The following ZSCAN5C variants were observed in gnomAD, a reference collection of about 807,000 sequenced individuals.
ZSCAN5C encodes zinc finger and SCAN domain-containing protein 5C.
Under a neutral mutation model 17.3 loss-of-function variants are expected in ZSCAN5C, and 11 were observed. The ratio of observed to expected loss-of-function variants is 0.64; its 90% CI spans 0.40 to 1.06. The LOEUF is 1.06. Among genes scored for constraint, ZSCAN5C ranks in the 50% least tolerant of loss-of-function variants. ZSCAN5C has a pLI of 0.00. For synonymous variants in ZSCAN5C, 229 were observed against 208.4 expected, an observed-to-expected ratio of 1.10 and a Z score of -0.85; for missense variants, 698 against 538.9, an observed-to-expected ratio of 1.30 and a Z score of -2.92.
intron 1 of ZSCAN5C, 113 bp downstream of exon 1, chr19:56,202,435 G>A (rs2032882298): frequency 6.6e-6 from 1 of 151,668 alleles, no homozygotes; most frequent in African/African-American, 2.4e-5. Context: ...TGGGGTGTTG[G>A]TTTCAGAAAG....
At chr19:56,205,724 T>G in intron 1 of ZSCAN5C, 63 bp from the exon 2 acceptor site, 2 of 553,858 alleles carry the variant, frequency 3.6e-6, no homozygotes, top group Non-Finnish European at 6.4e-6. Context: ...GGATGAGGGA[T>G]TTGGAAGGAT....
chr19:56,209,111 C>T (rs745624946), exon 5 of ZSCAN5C: 179 of 1,570,664 alleles, frequency 1.1e-4, no homozygotes, highest in Non-Finnish European at 1.5e-4. Flanking sequence ...AGAGAAACCC[C>T]ACAAATGTTC....
chr19:56,207,299 G>A (rs1223603494), intron 3 of ZSCAN5C, 37 bp downstream of exon 3: 1 of 745,126 alleles, frequency 1.3e-6, no homozygotes, highest in African/African-American at 1.7e-5. Context: ...GGCAGAGGTG[G>A]GAGAAGGAAC....
At chr19:56,208,727 G>C (rs910977826) in exon 5 of ZSCAN5C, 2 of 1,612,078 alleles carry the variant, frequency 1.2e-6, no homozygotes, top group South Asian at 2.2e-5. Flanking sequence ...AGGCCCTGCG[G>C]GCCCAGTCAG....
At chr19:56,209,259 T>C (rs1314377207), downstream of ZSCAN5C, 5 of 625,560 alleles carry the variant, frequency 8.0e-6, no homozygotes, top group East Asian at 1.4e-4. Flanking sequence ...TTTTCACCGA[T>C]GTTGTCAGAT....
downstream of ZSCAN5C, chr19:56,209,234 A>G: frequency 1.5e-6 from 1 of 655,116 alleles, no homozygotes; most frequent in Non-Finnish European, 2.7e-6. Context: ...GCACCAAGAA[A>G]GTGTGAATGA....
chr19:56,208,591 G>T (rs762894293), exon 5 of ZSCAN5C: 3 of 1,597,398 alleles, frequency 1.9e-6, no homozygotes, highest in Admixed American at 3.3e-5. Context: ...CTCTGAATCT[G>T]AGAGGTCTCA....
chr19:56,207,992 G>A, intron 3 of ZSCAN5C, 42 bp from the exon 4 acceptor site: 1 of 696,416 alleles, frequency 1.4e-6, no homozygotes, highest in Non-Finnish European at 2.6e-6. Flanking sequence ...CCTTCCACCG[G>A]TTTAGGCATG....
At chr19:56,208,750 C>G in exon 5 of ZSCAN5C, 2 of 1,608,642 alleles carry the variant, frequency 1.2e-6, no homozygotes, top group Non-Finnish European at 1.7e-6. Flanking sequence ...ACCCCAGTGG[C>G]CAAGAAGTCA....
downstream of ZSCAN5C, chr19:56,209,287 G>A: frequency 3.3e-6 from 2 of 603,628 alleles, no homozygotes; most frequent in Middle Eastern, 2.6e-4. Flanking sequence ...GACAGATGAA[G>A]GGCGCCTGGC....
Position 56,208,437 on chromosome 19 carries a change from C to T in ZSCAN5C, c.740-12C>T. 3 of 1,283,212 alleles carry T rather than the reference C, an allele frequency of 2.3e-6. No homozygotes were observed. Among genetic ancestry groups the T allele is most frequent in the Non-Finnish European group, 3.3e-6 (3 of 899,210 alleles). The allele number at this position is 1,283,212 out of a possible 1,614,324, so 79.5% of individuals were successfully genotyped here. A position where few individuals can be genotyped will look rare whatever the true frequency, so the allele number is the denominator to read the frequency against. The stretch of plus-strand genomic sequence containing the variant: ...ACCTTATTAACTGTGTGTGTGGAAT[C>T]CCTTCTTCCAGCAGGGGTGGTGGGA... On this transcript the variant is annotated splice_polypyrimidine_tract_variant and intron_variant, in intron 4 of 4. Transcript: ENST00000534327.
chr19:56,204,790 T>C (rs1364251189), intron 1 of ZSCAN5C, among the ~76,000 whole-genome samples: 2 of 151,922 alleles, frequency 1.3e-5, no homozygotes, highest in African/African-American at 4.9e-5. Context: ...TTCTCCCCTC[T>C]GCAGACCTTC....
At chr19:56,208,732 A>G (rs756363456) in exon 5 of ZSCAN5C, 26 of 1,611,626 alleles carry the variant, frequency 1.6e-5, no homozygotes, top group East Asian at 2.2e-5. Context: ...CTGCGGGCCC[A>G]GTCAGTCACC....
rs756095007 is a variant in ZSCAN5C, at chr19:56,207,041, C to CT, written c.385-11dup. 2.1e-5 allele frequency: 15 copies of CT among 703,766 alleles called. No homozygotes were observed. In the East Asian group the frequency reaches 3.2e-4, roughly 15 times the overall value. The allele number at this position is 703,766 out of a possible 1,614,324, so 43.6% of individuals were successfully genotyped here. On this transcript the variant is annotated splice_polypyrimidine_tract_variant and intron_variant, in intron 2 of 4. Transcript: ENST00000534327. ...CAGGTTCTCATAGTTAGTCTGATTG[C>CT]TTTTTTTCTCTCTATAGTCTGTAGT...
intron 1 of ZSCAN5C, among the ~76,000 whole-genome samples, chr19:56,204,449 C>G (rs1475771179): frequency 6.6e-6 from 1 of 151,592 alleles, no homozygotes; most frequent in Admixed American, 6.6e-5. Flanking sequence ...ATTTGCATGT[C>G]CCTGATGATG....
At chr19:56,202,793 C>T (rs1295921717) in intron 1 of ZSCAN5C, among the ~76,000 whole-genome samples, 2 of 151,934 alleles carry the variant, frequency 1.3e-5, no homozygotes, top group Non-Finnish European at 2.9e-5. Flanking sequence ...TGGGATCAAG[C>T]ATGCTCCCAT....
In ZSCAN5C at chr19:56,205,347, T is replaced by C. The variant is rs2032909469; in HGVS notation, c.-127-440T>C. On this transcript the variant is annotated intron_variant, in intron 1 of 4. Coordinates refer to ENST00000534327, the Ensembl canonical transcript of ZSCAN5C. ...GCGAATAATTCTGGGATTAAGAGGG[T>C]TTGTTGTGGGACAATATCTTACGTT... Among the ~76,000 whole-genome samples, 3 of 149,676 alleles carry C rather than the reference T, an allele frequency of 2.0e-5. No homozygotes were observed. In the South Asian group the frequency reaches 6.2e-4, roughly 31 times the overall value.
exon 5 of ZSCAN5C, chr19:56,209,062 C>T: frequency 6.2e-7 from 1 of 1,605,170 alleles, no homozygotes; most frequent in South Asian, 1.1e-5. Flanking sequence ...TTTTCACCTA[C>T]AAGGCAAATC....
intron 3 of ZSCAN5C, 24 bp from the exon 4 acceptor site, chr19:56,208,010 T>C (rs184714611): frequency 1.4e-6 from 1 of 707,878 alleles, no homozygotes; most frequent in Admixed American, 2.0e-5. Flanking sequence ...ATGGCAGTCA[T>C]TGCTGTTGGT....
Sources: allele counts gnomAD v4.1 joint callset (sites outside exome capture counted in the v4.1 genomes callset), GRCh38; gene constraint gnomAD v4.1.1; transcripts MANE v1.5; gene names NCBI Gene and HGNC (gene_info 2026-07-23, HGNC 2026-07-21).